Variants in MARCHF1 observed in about 807,000 individuals in gnomAD.
MARCHF1 encodes E3 ubiquitin-protein ligase MARCHF1.
MARCHF1 carries 40 observed loss-of-function variants against 54.2 expected under a neutral mutation model. That is an observed-to-expected ratio of 0.74 (90% CI 0.57 to 0.96). MARCHF1 has a LOEUF of 0.96. MARCHF1 is among the 40% of genes least tolerant of loss of function. The probability of loss-of-function intolerance (pLI) is 0.00; values close to 1 mark genes in which losing one functional copy is unlikely to be tolerated. For missense variants in MARCHF1, 586 were observed against 656.5 expected, an observed-to-expected ratio of 0.89 and a Z score of 1.17; for synonymous variants, 236 against 236.3, an observed-to-expected ratio of 1.00 and a Z score of 0.01.
At chr4:164,086,385 TTATTTAATGA>T (rs1755192320) in intron 2 of MARCHF1, among the ~76,000 whole-genome samples, 1 of 152,002 alleles carries the variant, frequency 6.6e-6, no homozygotes, top group African/African-American at 2.4e-5. Flanking sequence ...ATAAAACCAT[TTATTTAATGA>T]TATATAAATT....
intron 4 of MARCHF1, among the ~76,000 whole-genome samples, chr4:163,818,943 A>T (rs979601327): frequency 1.3e-5 from 2 of 152,054 alleles, no homozygotes; most frequent in African/African-American, 4.8e-5. Flanking sequence ...CTTGTCTTTC[A>T]CTGAAGATTC....
intron 1 of MARCHF1, among the ~76,000 whole-genome samples, chr4:164,124,762 T>C (rs900005458): frequency 6.6e-6 from 1 of 151,870 alleles, no homozygotes; most frequent in Non-Finnish European, 1.5e-5. Context: ...AGTAGAAGGA[T>C]TGTTACCAAT....
chr4:164,034,034 T>C (rs1324681727), intron 2 of MARCHF1, among the ~76,000 whole-genome samples: 2 of 151,408 alleles, frequency 1.3e-5, no homozygotes, highest in Non-Finnish European at 2.9e-5. Flanking sequence ...CAAATGCCCA[T>C]CAATGATAGA....
intron 3 of MARCHF1, among the ~76,000 whole-genome samples, chr4:163,983,086 ATG>A (rs1465136087): frequency 6.6e-6 from 1 of 152,162 alleles, no homozygotes; most frequent in African/African-American, 2.4e-5. Context: ...ATCACAACAG[ATG>A]TCCATTAGAG....
rs575610638 is a variant in MARCHF1, at chr4:163,779,110, C to A, written c.111+74911G>T. ...CTGCCATTATCTAAGTTTTTATGAACCAGAATATGAAATATGCTACATGGA... is the reference window on the plus strand; with the variant it reads ...CTGCCATTATCTAAGTTTTTATGAAACAGAATATGAAATATGCTACATGGA... On this transcript the variant is annotated intron_variant, in intron 4 of 9. Transcript: ENST00000514618. 1.8e-4 allele frequency among the ~76,000 whole-genome samples: 28 copies of A among 152,268 alleles called. 2 individuals carry two copies. The South Asian group carries it at 5.8e-3, about 32-fold the overall frequency.
At chr4:163,708,324 C>T (rs1018569166) in intron 4 of MARCHF1, among the ~76,000 whole-genome samples, 2 of 152,046 alleles carry the variant, frequency 1.3e-5, no homozygotes, top group African/African-American at 4.8e-5. Flanking sequence ...GCCTTTGTAA[C>T]ATCTTTGTGT....
intron 3 of MARCHF1, among the ~76,000 whole-genome samples, chr4:163,945,657 T>A (rs1477092579): frequency 6.6e-6 from 1 of 152,202 alleles, no homozygotes; most frequent in Admixed American, 6.5e-5. Flanking sequence ...TGAATTTAAT[T>A]GAAAATTGCA....
At chr4:163,864,971 C>T (rs1750018093) in intron 3 of MARCHF1, among the ~76,000 whole-genome samples, 1 of 151,804 alleles carries the variant, frequency 6.6e-6, no homozygotes, top group Non-Finnish European at 1.5e-5. Context: ...TGATTTAGGA[C>T]TAAACAGTGA....
intron 4 of MARCHF1, among the ~76,000 whole-genome samples, chr4:163,751,970 T>C (rs1055537292): frequency 1.3e-5 from 2 of 152,146 alleles, no homozygotes; most frequent in African/African-American, 4.8e-5. Flanking sequence ...ACAGTAGTAA[T>C]TAAAGTTAGG....
At chr4:163,789,903 C>T (rs1435917817) in intron 4 of MARCHF1, among the ~76,000 whole-genome samples, 5 of 151,974 alleles carry the variant, frequency 3.3e-5, no homozygotes, top group Non-Finnish European at 7.4e-5. Context: ...TGCTGTTTAT[C>T]ACTAATGATG....
At chr4:164,247,387 C>G (rs1024616629) in intron 1 of MARCHF1, among the ~76,000 whole-genome samples, 45 of 150,664 alleles carry the variant, frequency 3.0e-4, no homozygotes, top group African/African-American at 1.1e-3. Flanking sequence ...TATTCTCACT[C>G]ATAGGTGGGA....
intron 2 of MARCHF1, among the ~76,000 whole-genome samples, chr4:164,023,124 T>C (rs1281021415): frequency 6.6e-6 from 1 of 152,104 alleles, no homozygotes; most frequent in African/African-American, 2.4e-5. Flanking sequence ...GTGAGGCACA[T>C]GGGTTCACTG....
At chr4:163,880,680 G>T (rs1750395194) in intron 3 of MARCHF1, among the ~76,000 whole-genome samples, 1 of 151,740 alleles carries the variant, frequency 6.6e-6, no homozygotes, top group Non-Finnish European at 1.5e-5. Flanking sequence ...AACTATTGTT[G>T]GTCCATTATC....
intron 1 of MARCHF1, among the ~76,000 whole-genome samples, chr4:164,334,487 C>T (rs776285066): frequency 1.3e-5 from 2 of 151,410 alleles, no homozygotes; most frequent in African/African-American, 4.9e-5. Context: ...GAATGGTTTA[C>T]TAAATATTTT....
At chr4:164,268,782 A>G (rs1311852257) in intron 1 of MARCHF1, among the ~76,000 whole-genome samples, 12 of 152,210 alleles carry the variant, frequency 7.9e-5, no homozygotes, top group African/African-American at 1.2e-4. Context: ...GATCTTCTTT[A>G]AATGAAAATA....
chr4:164,356,627 T>C (rs58539477), intron 1 of MARCHF1, among the ~76,000 whole-genome samples: 58,327 of 111,240 alleles, frequency 0.52, 14,717 homozygotes, highest in East Asian at 0.63. Context: ...GTGGGGGGAG[T>C]GGGGAGGGTT....
chr4:163,803,759 A>C (rs1046045432), intron 4 of MARCHF1, among the ~76,000 whole-genome samples: 7 of 152,154 alleles, frequency 4.6e-5, no homozygotes, highest in African/African-American at 1.7e-4. Context: ...AAAAAAAAGG[A>C]AAATACAGTG....
chr4:164,226,295 G>C (rs148178526), intron 1 of MARCHF1, among the ~76,000 whole-genome samples: 178 of 152,162 alleles, frequency 1.2e-3, no homozygotes, highest in African/African-American at 4.0e-3. Flanking sequence ...GATATTCCAA[G>C]GGGTATCACC....
At chr4:163,565,752 C>T (rs981560038) in intron 8 of MARCHF1, among the ~76,000 whole-genome samples, 5 of 152,148 alleles carry the variant, frequency 3.3e-5, no homozygotes, top group Non-Finnish European at 5.9e-5. Context: ...GTCGATCCTG[C>T]TAAGAAAAAT....
Sources: allele counts gnomAD v4.1 joint callset (sites outside exome capture counted in the v4.1 genomes callset), GRCh38; gene constraint gnomAD v4.1.1; transcripts MANE v1.5; gene names NCBI Gene and HGNC (gene_info 2026-07-23, HGNC 2026-07-21).